The following PYHIN1 variants were observed in gnomAD, a reference collection of about 807,000 sequenced individuals.
The protein encoded by PYHIN1 is pyrin and HIN domain-containing protein 1.
Under a neutral mutation model 43.7 loss-of-function variants are expected in PYHIN1, and 32 were observed. That is an observed-to-expected ratio of 0.73 (90% CI 0.55 to 0.98). The LOEUF (loss-of-function observed/expected upper bound fraction) is 0.98, where lower values mean the gene tolerates loss of function less well. Ranked by LOEUF, PYHIN1 falls within the 50% of genes least tolerant of loss-of-function variation. The pLI, the probability that PYHIN1 is intolerant of heterozygous loss-of-function variation, is 0.00. For missense variants in PYHIN1, 588 were observed against 589.5 expected, an observed-to-expected ratio of 1.00 and a Z score of 0.03; for synonymous variants, 205 against 203.1, an observed-to-expected ratio of 1.01 and a Z score of -0.08.
chr1:158,971,959 A>C (rs1373679546), intron 7 of PYHIN1, among the ~76,000 whole-genome samples: 1 of 152,046 alleles, frequency 6.6e-6, no homozygotes, highest in East Asian at 1.9e-4. Flanking sequence ...AGACAATGTA[A>C]AAAGAATAAA....
the PYHIN1 span, among the ~76,000 whole-genome samples, chr1:158,984,145 T>C: frequency 6.6e-6 from 1 of 151,786 alleles, no homozygotes; most frequent in African/African-American, 2.4e-5. Flanking sequence ...CTCAATTTTA[T>C]TTGGTTCAAC....
At chr1:158,989,217 C>A in the PYHIN1 span, among the ~76,000 whole-genome samples, 1 of 152,052 alleles carries the variant, frequency 6.6e-6, no homozygotes, top group Non-Finnish European at 1.5e-5. Context: ...TGAGTCTCAC[C>A]CATATTTATT....
chr1:158,950,204 C>T (rs141212292), intron 7 of PYHIN1, among the ~76,000 whole-genome samples: 7 of 152,122 alleles, frequency 4.6e-5, no homozygotes, highest in Admixed American at 2.6e-4. Flanking sequence ...GCAGACAAAG[C>T]GAGAGCATAA....
At chr1:158,961,977 A>G (rs1650349101) in intron 7 of PYHIN1, among the ~76,000 whole-genome samples, 1 of 151,922 alleles carries the variant, frequency 6.6e-6, no homozygotes, top group Non-Finnish European at 1.5e-5. Context: ...CTAGTACTCC[A>G]GCCACCCCCC....
intron 4 of PYHIN1, among the ~76,000 whole-genome samples, chr1:158,940,970 T>A (rs1383931874): frequency 6.6e-6 from 1 of 152,230 alleles, no homozygotes; most frequent in Non-Finnish European, 1.5e-5. Context: ...TGGCTCCTTG[T>A]GATGTTGCAT....
downstream of PYHIN1, among the ~76,000 whole-genome samples, chr1:158,980,188 T>C (rs111812583): frequency 5.1e-4 from 78 of 152,298 alleles, no homozygotes; most frequent in African/African-American, 1.7e-3. Context: ...TTTCTTATGC[T>C]TGTCCTTACT....
intron 7 of PYHIN1, among the ~76,000 whole-genome samples, chr1:158,957,702 C>T (rs1469786215): frequency 6.9e-6 from 1 of 144,074 alleles, no homozygotes; most frequent in Non-Finnish European, 1.5e-5. Flanking sequence ...TGGGCAAGGA[C>T]TTCATGTCTA....
At chr1:158,976,408 G>T (rs527793694) in intron 8 of PYHIN1, among the ~76,000 whole-genome samples, 71 of 152,020 alleles carry the variant, frequency 4.7e-4, no homozygotes, top group Middle Eastern at 6.8e-3. Flanking sequence ...CTTGTCGTTG[G>T]ACACACCAGC....
At chr1:158,935,312 AG>A (rs1433987297) in intron 1 of PYHIN1, among the ~76,000 whole-genome samples, 3 of 151,814 alleles carry the variant, frequency 2.0e-5, no homozygotes, top group Non-Finnish European at 1.5e-5. Flanking sequence ...AAAAAAAAAA[AG>A]AATGCAGATT....
intron 7 of PYHIN1, among the ~76,000 whole-genome samples, chr1:158,949,127 T>TG (rs1571742127): frequency 1.3e-5 from 2 of 152,070 alleles, no homozygotes; most frequent in African/African-American, 4.8e-5. Flanking sequence ...TGTCATGGGG[T>TG]GGCAAGGACT....
At chr1:158,981,358 C>CT (rs1264104752), downstream of PYHIN1, among the ~76,000 whole-genome samples, 1 of 152,088 alleles carries the variant, frequency 6.6e-6, no homozygotes, top group East Asian at 1.9e-4. Flanking sequence ...GTAGTCTCAG[C>CT]TACTTGGGAG....
At chr1:158,960,493 A>T (rs1016476278) in intron 7 of PYHIN1, among the ~76,000 whole-genome samples, 1 of 152,256 alleles carries the variant, frequency 6.6e-6, no homozygotes, top group African/African-American at 2.4e-5. Context: ...TATGGCCTCA[A>T]ATACCTAAAC....
downstream of PYHIN1, among the ~76,000 whole-genome samples, chr1:158,978,756 T>C (rs1651388744): frequency 6.6e-6 from 1 of 152,144 alleles, no homozygotes. Context: ...AGAAATTATC[T>C]TCCACCCGAA....
chr1:158,938,365 G>T, intron 2 of PYHIN1, 32 bp from the exon 3 acceptor site: 3 of 1,612,946 alleles, frequency 1.9e-6, no homozygotes, highest in Non-Finnish European at 2.5e-6. Flanking sequence ...CATCTGCTCT[G>T]GGTTTATACA....
At chr1:158,945,534 A>G (rs1571735775) in intron 7 of PYHIN1, 1 of 152,450 alleles carries the variant, frequency 6.6e-6, no homozygotes, top group South Asian at 2.1e-4. Flanking sequence ...ACACCAACTT[A>G]AGTATTTTCC....
At chr1:158,966,018 A>C (rs1571775028) in intron 7 of PYHIN1, among the ~76,000 whole-genome samples, 1 of 152,224 alleles carries the variant, frequency 6.6e-6, no homozygotes, top group Non-Finnish European at 1.5e-5. Flanking sequence ...GATCTAAATA[A>C]ACACAATTAG....
At chr1:158,982,247 T>C in the PYHIN1 span, among the ~76,000 whole-genome samples, 24 of 152,194 alleles carry the variant, frequency 1.6e-4, no homozygotes, top group African/African-American at 5.8e-4. Flanking sequence ...CTAGATTTCT[T>C]CTAGGGCATT....
At chr1:158,934,550 T>A (rs556172021) in intron 1 of PYHIN1, among the ~76,000 whole-genome samples, 1 of 152,202 alleles carries the variant, frequency 6.6e-6, no homozygotes, top group African/African-American at 2.4e-5. Context: ...TTTTATGTTC[T>A]TCAGTTTCAC....
chr1:158,962,146 C>G (rs1412879256), intron 7 of PYHIN1, among the ~76,000 whole-genome samples: 10 of 152,182 alleles, frequency 6.6e-5, no homozygotes. Flanking sequence ...GGATCCCCAG[C>G]ACAGCACAGA....
Sources: gnomAD v4.1 joint callset for allele counts (sites outside exome capture counted in the v4.1 genomes callset) on GRCh38, gnomAD v4.1.1 for gene constraint, MANE v1.5 for transcripts, NCBI Gene and HGNC (gene_info 2026-07-23, HGNC 2026-07-21) for gene names.